Variants in NEK11 observed in about 807,000 individuals in gnomAD.
NEK11 encodes the protein serine/threonine-protein kinase Nek11.
In NEK11, 72 loss-of-function variants were observed where a neutral mutation model predicts 80.7. The observed-to-expected ratio is 0.89, with a 90% confidence interval of 0.74 to 1.08. The LOEUF (loss-of-function observed/expected upper bound fraction) is 1.08. Among genes scored for constraint, NEK11 ranks in the 50% least tolerant of loss-of-function variants. The pLI, the probability that NEK11 is intolerant of heterozygous loss-of-function variation, is 0.00. For synonymous variants in NEK11, 251 were observed against 260.7 expected (o/e 0.96, Z 0.36); for missense variants, 764 against 763.6 (o/e 1.00, Z -0.01).
At chr3:131,121,315 G>C (rs1409416334) in intron 5 of NEK11, among the ~76,000 whole-genome samples, 1 of 152,216 alleles carries the variant, frequency 6.6e-6, no homozygotes, top group Non-Finnish European at 1.5e-5. Flanking sequence ...ATTGCAGAAT[G>C]GCAAATGTTG....
At chr3:131,328,683 C>T (rs1480823389) in intron 17 of NEK11, among the ~76,000 whole-genome samples, 1 of 152,188 alleles carries the variant, frequency 6.6e-6, no homozygotes, top group Non-Finnish European at 1.5e-5. Context: ...GATGACCCAT[C>T]AGAATGGTGG....
At chr3:131,062,963 AT>A (rs2071174396) in intron 3 of NEK11, among the ~76,000 whole-genome samples, 1 of 152,270 alleles carries the variant, frequency 6.6e-6, no homozygotes, top group South Asian at 2.1e-4. Context: ...GGCCCAGCTG[AT>A]GAAGATAATC....
At chr3:131,324,471 T>G (rs941999476) in intron 17 of NEK11, among the ~76,000 whole-genome samples, 1 of 152,238 alleles carries the variant, frequency 6.6e-6, no homozygotes, top group East Asian at 1.9e-4. Flanking sequence ...AATTGTCCTT[T>G]GTAAATCTAG....
chr3:131,100,237 T>C (rs2078162221), intron 4 of NEK11, among the ~76,000 whole-genome samples: 1 of 152,206 alleles, frequency 6.6e-6, no homozygotes, highest in African/African-American at 2.4e-5. Flanking sequence ...TTTAATTTTG[T>C]TTATGTGGTG....
At chr3:131,252,527 C>T (rs564157257) in intron 16 of NEK11, among the ~76,000 whole-genome samples, 2 of 152,206 alleles carry the variant, frequency 1.3e-5, no homozygotes, top group East Asian at 3.9e-4. Context: ...TTCTTTCTTA[C>T]ATCACAGATG....
At chr3:131,086,289 C>T (rs759079642) in intron 4 of NEK11, among the ~76,000 whole-genome samples, 2 of 152,106 alleles carry the variant, frequency 1.3e-5, no homozygotes, top group South Asian at 4.1e-4. Context: ...ATTTTAGTCT[C>T]TTTCAGTGAA....
chr3:131,349,582 G>A lies in NEK11; in HGVS notation c.1744G>A (p.Glu582Lys), dbSNP rs868757034. ...RESAMQKLGT[E>K]VFEEVYNYLK... ...ATCAGCCATGCAGAAGCTGGGGACA[G>A]AAGTATTTGAAGAGGTCTATAATTA... The change falls in exon 18 of 18, where the codon GAA becomes AAA. Residue 582 changes from glutamate to lysine, a missense_variant. Physicochemically the swap from Glu to Lys is moderately conservative, Grantham distance 56. Coordinates refer to ENST00000383366, the MANE Select transcript of NEK11 (RefSeq NM_024800.5). 3.1e-6 allele frequency: 5 copies of A among 1,614,000 alleles called. No homozygotes were observed. The highest frequency in any genetic ancestry group is 3.4e-6 in the Non-Finnish European group (4 of 1,180,018).
intron 14 of NEK11, among the ~76,000 whole-genome samples, chr3:131,219,557 A>C (rs1437303898): frequency 2.8e-4 from 2 of 7,178 alleles, no homozygotes; most frequent in Non-Finnish European, 5.9e-4. Flanking sequence ...TAAAGTATAC[A>C]AAAAAAAAAA....
At chr3:131,201,262 A>G (rs1425026358) in intron 14 of NEK11, among the ~76,000 whole-genome samples, 1 of 150,978 alleles carries the variant, frequency 6.6e-6, no homozygotes, top group East Asian at 1.9e-4. Flanking sequence ...CGTGCTTACC[A>G]TAAAAGTTAA....
chr3:131,203,653 C>G (rs2094329938), intron 14 of NEK11, among the ~76,000 whole-genome samples: 1 of 142,798 alleles, frequency 7.0e-6, no homozygotes, highest in Non-Finnish European at 1.5e-5. Context: ...GTGATACACA[C>G]ACACACACAC....
intron 5 of NEK11, among the ~76,000 whole-genome samples, chr3:131,115,782 G>T (rs1424809496): frequency 6.6e-6 from 1 of 152,130 alleles, no homozygotes; most frequent in Non-Finnish European, 1.5e-5. Flanking sequence ...GTAGAGGAGA[G>T]AACAGGGCTG....
intron 14 of NEK11, among the ~76,000 whole-genome samples, chr3:131,171,850 C>T (rs1053953964): frequency 5.9e-5 from 9 of 152,166 alleles, no homozygotes; most frequent in African/African-American, 2.2e-4. Flanking sequence ...ATAAATATTT[C>T]TTGAGTGAAT....
intron 4 of NEK11, among the ~76,000 whole-genome samples, chr3:131,097,032 A>G (rs1046310186): frequency 2.0e-5 from 3 of 151,022 alleles, no homozygotes; most frequent in Admixed American, 1.3e-4. Flanking sequence ...ATGGTTTCCA[A>G]TTTCATCCAT....
intron 3 of NEK11, among the ~76,000 whole-genome samples, chr3:131,040,174 TATTTCTC>T (rs919169161): frequency 6.6e-6 from 1 of 152,228 alleles, no homozygotes; most frequent in Non-Finnish European, 1.5e-5. Context: ...GAACACTTTT[TATTTCTC>T]AGATACTCTT....
intron 4 of NEK11, among the ~76,000 whole-genome samples, chr3:131,094,679 G>A (rs1250873818): frequency 6.6e-6 from 1 of 152,104 alleles, no homozygotes; most frequent in Non-Finnish European, 1.5e-5. Context: ...CCTGCATGAC[G>A]GGAAAGCTTC....
chr3:131,350,027 C>T lies in NEK11; in HGVS notation c.*251C>T. On this transcript the variant is annotated 3_prime_UTR_variant, in exon 18 of 18. Coordinates refer to ENST00000383366, the MANE Select transcript of NEK11 (RefSeq NM_024800.5). ...GATCAAGTTTGGCTCCCTTGAAAAGCATTTCTCTCATGTGCGCCCTCAGGG... is the reference window on the plus strand; with the variant it reads ...GATCAAGTTTGGCTCCCTTGAAAAGTATTTCTCTCATGTGCGCCCTCAGGG... 1 of 446,938 alleles carries T rather than the reference C, an allele frequency of 2.2e-6. No homozygotes were observed. Among genetic ancestry groups the T allele is most frequent in the Admixed American group, 3.9e-5 (1 of 25,788 alleles). The allele number at this position is 446,938 out of a possible 1,614,324, so 27.7% of individuals were successfully genotyped here. A position where few individuals can be genotyped will look rare whatever the true frequency, so the allele number is the denominator to read the frequency against.
chr3:131,273,020 T>C (rs1175829102), intron 16 of NEK11, among the ~76,000 whole-genome samples: 2 of 152,136 alleles, frequency 1.3e-5, no homozygotes, highest in Non-Finnish European at 2.9e-5. Flanking sequence ...CATTTTGCTT[T>C]CCATTGCAAA....
At chr3:131,160,275 C>G (rs538743735) in intron 10 of NEK11, among the ~76,000 whole-genome samples, 2 of 152,292 alleles carry the variant, frequency 1.3e-5, no homozygotes, top group South Asian at 4.2e-4. Context: ...GGCCAACATT[C>G]AACATTCTTA....
At chr3:131,172,733 G>T (rs758946117) in intron 14 of NEK11, among the ~76,000 whole-genome samples, 2 of 152,294 alleles carry the variant, frequency 1.3e-5, no homozygotes, top group Middle Eastern at 3.4e-3. Flanking sequence ...GTAAAATAAG[G>T]CTGAGAACTA....
Sources: allele counts gnomAD v4.1 joint callset (sites outside exome capture counted in the v4.1 genomes callset), GRCh38; gene constraint gnomAD v4.1.1; transcripts MANE v1.5; gene names NCBI Gene and HGNC (gene_info 2026-07-23, HGNC 2026-07-21).